Variants in SLC7A1 observed in about 807,000 individuals in gnomAD.
The protein encoded by SLC7A1 is solute carrier family 7 member 1.
Under a neutral mutation model 53.9 loss-of-function variants are expected in SLC7A1, and 10 were observed. The observed-to-expected ratio is 0.19, with a 90% CI of 0.11 to 0.31. The LOEUF is 0.31. Ranked by LOEUF, SLC7A1 falls within the 10% of genes least tolerant of loss-of-function variation. The pLI is 1.00. For synonymous variants in SLC7A1, 342 were observed against 338.7 expected, an observed-to-expected ratio of 1.01 and a Z score of -0.11; for missense variants, 525 against 827.2, an observed-to-expected ratio of 0.63 and a Z score of 4.48.
chr13:29,569,235 C>T (rs1301042044), intron 1 of SLC7A1, among the ~76,000 whole-genome samples: 2 of 152,066 alleles, frequency 1.3e-5, no homozygotes, highest in Admixed American at 1.3e-4. Context: ...GAAGGAGGAC[C>T]CTCTCTGCGG....
intron 2 of SLC7A1, among the ~76,000 whole-genome samples, chr13:29,543,958 T>C (rs978704698): frequency 6.6e-5 from 10 of 152,048 alleles, no homozygotes; most frequent in African/African-American, 2.4e-4. Context: ...AGTGGGGAAG[T>C]TGCCCAGCCA....
At chr13:29,524,602 G>C (rs1211833795) in intron 5 of SLC7A1, among the ~76,000 whole-genome samples, 1 of 152,198 alleles carries the variant, frequency 6.6e-6, no homozygotes, top group African/African-American at 2.4e-5. Context: ...CTTCTCCCCA[G>C]GGCCCCTCGG....
chr13:29,517,060 G>A (rs1327591916), intron 11 of SLC7A1, 84 bp downstream of exon 11: 26 of 1,361,890 alleles, frequency 1.9e-5, no homozygotes, highest in Middle Eastern at 2.6e-4. Context: ...ACCCAGGCCC[G>A]GCTGAGCCCA....
chr13:29,556,326 TC>T (rs1870439121), intron 1 of SLC7A1, among the ~76,000 whole-genome samples: 1 of 152,160 alleles, frequency 6.6e-6, no homozygotes, highest in Non-Finnish European at 1.5e-5. Flanking sequence ...AATGGGTTAA[TC>T]CTTGTTATTT....
Position 29,519,452 on chromosome 13 carries a change from G to A in SLC7A1, c.1287C>T (p.Val429=). ...CCCCCAAAAGCCATACATACCGTAA[G>A]ACCAACACACAGGCAGCCACCAACG... The part of the protein sequence containing the change: ...AYSLVAACVL[V]LRYQPEQPNL... The change falls in exon 9 of 13, where the codon GTC becomes GTT. Residue 429 remains valine (V), a synonymous_variant. Coordinates refer to ENST00000380752, the MANE Select transcript of SLC7A1 (RefSeq NM_003045.5). 3.1e-6 allele frequency: 5 copies of A among 1,604,474 alleles called. No homozygotes were observed. Among genetic ancestry groups the A allele is most frequent in the Non-Finnish European group, 4.3e-6 (5 of 1,171,436 alleles).
intron 6 of SLC7A1, 87 bp downstream of exon 6, chr13:29,524,045 C>A: frequency 7.3e-7 from 1 of 1,367,436 alleles, no homozygotes; most frequent in Non-Finnish European, 1.0e-6. Flanking sequence ...GCGACTGGAC[C>A]GTGCCAGCAA....
intron 11 of SLC7A1, 146 bp downstream of exon 11, chr13:29,516,992 TTCAGGA>T: frequency 1.5e-6 from 1 of 651,884 alleles, no homozygotes; most frequent in Non-Finnish European, 2.5e-6. Context: ...TCTCTGTGCC[TTCAGGA>T]CCCCTGCCCC....
chr13:29,564,242 C>T (rs1277157682), intron 1 of SLC7A1, among the ~76,000 whole-genome samples: 3 of 152,122 alleles, frequency 2.0e-5, no homozygotes, highest in East Asian at 1.9e-4. Context: ...TAAATGCACC[C>T]GTGAAGTCAG....
intron 5 of SLC7A1, among the ~76,000 whole-genome samples, 185 bp downstream of exon 5, chr13:29,530,353 T>A (rs1468775908): frequency 6.6e-6 from 1 of 152,182 alleles, no homozygotes; most frequent in Non-Finnish European, 1.5e-5. Context: ...GGAATAAACC[T>A]TCACACAAAC....
chr13:29,522,223 T>C (rs1161777651), intron 8 of SLC7A1, 94 bp downstream of exon 8: 1 of 1,253,146 alleles, frequency 8.0e-7, no homozygotes, highest in Non-Finnish European at 1.1e-6. Flanking sequence ...CCAGTTAAGA[T>C]TACTCACAGA....
intron 1 of SLC7A1, among the ~76,000 whole-genome samples, chr13:29,588,361 C>T (rs959258921): frequency 6.6e-6 from 1 of 151,960 alleles, no homozygotes; most frequent in South Asian, 2.1e-4. Context: ...TCAAATGGTT[C>T]AGAAAAAAAT....
At chr13:29,531,748 C>T (rs1182156548) in intron 4 of SLC7A1, among the ~76,000 whole-genome samples, 2 of 152,060 alleles carry the variant, frequency 1.3e-5, no homozygotes, top group Non-Finnish European at 2.9e-5. Context: ...GTGTGAGAAT[C>T]GCTTGAACCC....
intron 1 of SLC7A1, among the ~76,000 whole-genome samples, chr13:29,580,213 G>A (rs988085767): frequency 6.6e-6 from 1 of 152,200 alleles, no homozygotes; most frequent in Non-Finnish European, 1.5e-5. Flanking sequence ...CTAACTCCAG[G>A]CCGTGACTGC....
rs770108502 is a variant in SLC7A1, at chr13:29,535,801, C to T, written c.370+18G>A. 1.4e-5 allele frequency: 23 copies of T among 1,602,678 alleles called. 1 individual carries two copies. Among genetic ancestry groups the T allele is most frequent in the South Asian group, 1.2e-4 (11 of 90,620 alleles). Reference sequence around the variant, plus strand: ...GAAAAGTGGTAGAGGGCACGAGCTCCGGACCCCTGGGACCTACCGATGATG... The same window carrying T: ...GAAAAGTGGTAGAGGGCACGAGCTCTGGACCCCTGGGACCTACCGATGATG... On this transcript the variant is annotated intron_variant, in intron 3 of 12. Coordinates refer to ENST00000380752, the MANE Select transcript of SLC7A1 (RefSeq NM_003045.5).
In SLC7A1 at chr13:29,528,978, T is replaced by C. The variant is rs143210205; in HGVS notation, c.704+1560A>G. On this transcript the variant is annotated intron_variant, in intron 5 of 12. Coordinates refer to ENST00000380752, the MANE Select transcript of SLC7A1 (RefSeq NM_003045.5). ...GGCAACCAGTTAACAAGAGGTGCCC[T>C]ATATATTTCATTCCTGACCTATAAC... 8.9e-4 allele frequency among the ~76,000 whole-genome samples: 135 copies of C among 152,350 alleles called. No homozygotes were observed. The East Asian group carries it at 0.02, about 23-fold the overall frequency.
chr13:29,542,111 G>C (rs766077943), intron 2 of SLC7A1, among the ~76,000 whole-genome samples: 1 of 152,038 alleles, frequency 6.6e-6, no homozygotes, highest in Admixed American at 6.5e-5. Context: ...GTTCACCTAC[G>C]GGGAGTACAG....
At chr13:29,586,531 G>A (rs1871890591) in intron 1 of SLC7A1, among the ~76,000 whole-genome samples, 1 of 152,088 alleles carries the variant, frequency 6.6e-6, no homozygotes, top group South Asian at 2.1e-4. Flanking sequence ...AAAATCAAAT[G>A]TTCTTTGAAA....
chr13:29,590,335 C>A (rs2139195298), intron 1 of SLC7A1, among the ~76,000 whole-genome samples: 1 of 152,270 alleles, frequency 6.6e-6, no homozygotes, highest in South Asian at 2.1e-4. Context: ...TGACTGTAGC[C>A]AGGGCAGTCA....
intron 5 of SLC7A1, among the ~76,000 whole-genome samples, chr13:29,527,180 A>G (rs1339393392): frequency 2.0e-5 from 3 of 152,246 alleles, no homozygotes; most frequent in East Asian, 3.8e-4. Flanking sequence ...GAAATAAAAT[A>G]TACATATTTA....
Sources: gnomAD v4.1 joint callset for allele counts (sites outside exome capture counted in the v4.1 genomes callset) on GRCh38, gnomAD v4.1.1 for gene constraint, MANE v1.5 for transcripts, NCBI Gene and HGNC (gene_info 2026-07-23, HGNC 2026-07-21) for gene names.